The following AGBL3 variants were observed in gnomAD, a reference collection of about 807,000 sequenced individuals.
AGBL3 encodes AGBL carboxypeptidase 3.
A neutral mutation model predicts 94.5 loss-of-function variants in AGBL3; 68 were observed. That is an observed-to-expected ratio of 0.72 (90% CI 0.59 to 0.88). The LOEUF (loss-of-function observed/expected upper bound fraction) is 0.88, where lower values mean the gene tolerates loss of function less well. Among genes scored for constraint, AGBL3 ranks in the 40% least tolerant of loss-of-function variants. AGBL3 has a pLI of 0.00. For missense variants in AGBL3, 934 were observed against 1,103.8 expected (o/e 0.85, Z 2.18); for synonymous variants, 354 against 370.7 (o/e 0.95, Z 0.52).
intron 4 of AGBL3, among the ~76,000 whole-genome samples, chr7:135,015,843 T>A (rs1327963509): frequency 8.3e-6 from 1 of 120,762 alleles, no homozygotes; most frequent in Admixed American, 9.6e-5. Flanking sequence ...TGAAACCCCG[T>A]CTCTACTAAA....
In AGBL3 at chr7:135,045,718, C is replaced by T. The variant is rs533938846; in HGVS notation, c.1729-81C>T. On this transcript the variant is annotated intron_variant, in intron 10 of 16. Transcript: ENST00000436302. Reference sequence around the variant, plus strand: ...ACTTAATTTCCCAGTAACAATTGTTCCAGGTGTCTATAAATACTCAAATAG... The same window carrying T: ...ACTTAATTTCCCAGTAACAATTGTTTCAGGTGTCTATAAATACTCAAATAG... The T allele has an allele frequency of 3.2e-5, 42 of 1,318,886 alleles. No individual in the cohort carries two copies. The African/African-American group carries it at 3.7e-4, about 12-fold the overall frequency. 81.7% of individuals were successfully genotyped at this position (1,318,886 alleles called of 1,614,324 possible).
chr7:134,998,124 G>T (rs1238062382), intron 4 of AGBL3, among the ~76,000 whole-genome samples: 1 of 152,148 alleles, frequency 6.6e-6, no homozygotes, highest in African/African-American at 2.4e-5. Context: ...ATGTTATACT[G>T]TATCTGCAGT....
chr7:135,110,544 G>C (rs1825480587), intron 15 of AGBL3, among the ~76,000 whole-genome samples: 1 of 152,092 alleles, frequency 6.6e-6, no homozygotes, highest in Admixed American at 6.5e-5. Flanking sequence ...GAGAAGCGTG[G>C]GTCCCCATCA....
chr7:135,025,189 C>T (rs952936452), intron 5 of AGBL3, among the ~76,000 whole-genome samples: 4 of 151,452 alleles, frequency 2.6e-5, no homozygotes, highest in Non-Finnish European at 5.9e-5. Flanking sequence ...TCAAAGTCAA[C>T]ATGAAAGAAA....
At position 135,053,091 on chromosome 7, in the gene AGBL3, C is replaced by T. The variant is rs190167939; in HGVS notation, c.1842-6078C>T. Among the ~76,000 whole-genome samples the T allele has an allele frequency of 2.6e-5, 4 of 152,186 alleles. No homozygotes were observed. The East Asian group carries it at 7.7e-4, about 29-fold the overall frequency. The stretch of plus-strand genomic sequence containing the variant: ...TAACCACTTTTTCCAGAGATATAAA[C>T]CAATTTTAAATGAAAGCGTCCAAAT... On this transcript the variant is annotated intron_variant, in intron 11 of 16. Transcript: ENST00000436302.
At chr7:135,098,426 T>A (rs1487183929) in intron 15 of AGBL3, among the ~76,000 whole-genome samples, 1 of 152,220 alleles carries the variant, frequency 6.6e-6, no homozygotes, top group African/African-American at 2.4e-5. Context: ...TAGGGAATGA[T>A]GACAAGGAAA....
At chr7:135,011,372 C>T (rs1358180971) in intron 4 of AGBL3, 1 of 151,972 alleles carries the variant, frequency 6.6e-6, no homozygotes, top group African/African-American at 2.4e-5. Flanking sequence ...AAGGCTTAAA[C>T]AGAACAGAAA....
At chr7:135,005,480 A>AAT (rs1812273951) in intron 4 of AGBL3, among the ~76,000 whole-genome samples, 1 of 151,908 alleles carries the variant, frequency 6.6e-6, no homozygotes, top group Admixed American at 6.6e-5. Context: ...TAAATCAAGA[A>AAT]ATATACCATG....
intron 16 of AGBL3, among the ~76,000 whole-genome samples, chr7:135,131,211 G>A (rs975072350): frequency 1.3e-5 from 2 of 152,066 alleles, no homozygotes; most frequent in African/African-American, 2.4e-5. Context: ...CTTAATACAG[G>A]AACAGAAAAC....
chr7:135,056,872 A>G (rs1818387064), intron 11 of AGBL3, among the ~76,000 whole-genome samples: 1 of 152,152 alleles, frequency 6.6e-6, no homozygotes, highest in South Asian at 2.1e-4. Context: ...TTTTGTGGCT[A>G]TAGACAAACT....
chr7:135,059,299 A>G (rs1427276838), intron 12 of AGBL3, 64 bp downstream of exon 12: 29 of 1,146,270 alleles, frequency 2.5e-5, no homozygotes, highest in Non-Finnish European at 1.2e-5. Flanking sequence ...TATTGTGACT[A>G]ATAATCAGGC....
chr7:135,110,388 T>G (rs1196916492), intron 15 of AGBL3, among the ~76,000 whole-genome samples: 1 of 152,182 alleles, frequency 6.6e-6, no homozygotes, highest in Non-Finnish European at 1.5e-5. Context: ...AACCCGAGTA[T>G]CTAAAGCTCC....
At chr7:135,097,516 T>G (rs1018944156) in intron 15 of AGBL3, among the ~76,000 whole-genome samples, 1 of 152,144 alleles carries the variant, frequency 6.6e-6, no homozygotes, top group Non-Finnish European at 1.5e-5. Context: ...GCAATGAAAA[T>G]GTAAATTTTG....
At chr7:135,079,337 T>G (rs948506062) in intron 13 of AGBL3, among the ~76,000 whole-genome samples, 3 of 152,196 alleles carry the variant, frequency 2.0e-5, no homozygotes, top group Non-Finnish European at 4.4e-5. Context: ...AAATTTTGAT[T>G]TTTACAGTTT....
At chr7:135,079,191 AAG>A (rs1411629394) in intron 13 of AGBL3, among the ~76,000 whole-genome samples, 16 of 152,280 alleles carry the variant, frequency 1.1e-4, no homozygotes, top group Admixed American at 2.0e-4. Flanking sequence ...TAAAAATGAC[AAG>A]AGTTTATCAA....
intron 12 of AGBL3, among the ~76,000 whole-genome samples, chr7:135,073,375 C>T (rs186741212): frequency 3.9e-4 from 60 of 151,994 alleles, no homozygotes; most frequent in Non-Finnish European, 6.3e-4. Flanking sequence ...GAGGCTGAGG[C>T]AAGGAAAATC....
chr7:134,991,057 C>T (rs972535079), intron 3 of AGBL3, among the ~76,000 whole-genome samples: 4 of 152,086 alleles, frequency 2.6e-5, no homozygotes, highest in Non-Finnish European at 5.9e-5. Context: ...TGGTTCTTTC[C>T]CATGCCAGTG....
chr7:135,042,261 A>C (rs1158479369), intron 8 of AGBL3, among the ~76,000 whole-genome samples: 1 of 152,208 alleles, frequency 6.6e-6, no homozygotes, highest in Non-Finnish European at 1.5e-5. Context: ...CAAAAGCTGC[A>C]AACAACCCAA....
At chr7:135,088,077 T>C (rs1244210119) in intron 15 of AGBL3, among the ~76,000 whole-genome samples, 1 of 152,114 alleles carries the variant, frequency 6.6e-6, no homozygotes, top group African/African-American at 2.4e-5. Context: ...ACCTTCTTTG[T>C]CTCTTGTTTA....
Sources: gnomAD v4.1 joint callset for allele counts (sites outside exome capture counted in the v4.1 genomes callset) on GRCh38, gnomAD v4.1.1 for gene constraint, MANE v1.5 for transcripts, NCBI Gene and HGNC (gene_info 2026-07-23, HGNC 2026-07-21) for gene names.